Variants in REV3L observed in about 807,000 individuals in gnomAD.
REV3L encodes REV3 like, DNA directed polymerase zeta catalytic subunit, also known as DNA polymerase zeta catalytic subunit.
A neutral mutation model predicts 299.4 loss-of-function variants in REV3L; 69 were observed. The observed-to-expected ratio is 0.23, with a 90% confidence interval of 0.19 to 0.28. The LOEUF (loss-of-function observed/expected upper bound fraction) is 0.28. REV3L is among the 10% of genes least tolerant of loss of function. The pLI, the probability that REV3L is intolerant of heterozygous loss-of-function variation, is 1.00. For missense variants in REV3L, 3,128 were observed against 3,693.8 expected (o/e 0.85, Z 3.97); for synonymous variants, 1,238 against 1,271.4 (o/e 0.97, Z 0.56).
intron 25 of REV3L, among the ~76,000 whole-genome samples, chr6:111,325,018 C>A (rs1295345699): frequency 6.6e-6 from 1 of 152,066 alleles, no homozygotes; most frequent in Non-Finnish European, 1.5e-5. Flanking sequence ...CCCGCCACTA[C>A]GCCCGGCTAA....
At position 111,349,247 on chromosome 6, in the gene REV3L, G is replaced by A; in HGVS notation, c.7390C>T (p.Leu2464=). The change falls in exon 20 of 32, where the codon CTA becomes TTA. Residue 2464 remains leucine, a synonymous_variant. Coordinates refer to ENST00000368802, the MANE Select transcript of REV3L (RefSeq NM_001372078.1). ...SEINIVGRIT[L]NLWRIMRNEV... is the part of the protein sequence containing the mutation. ...TTTCTCATGATTCTCCAAAGATTTA[G>A]TGTAATTCGGCCAACAATATTTATC... is the stretch of plus-strand genomic sequence containing the variant. 6.3e-7 allele frequency: 1 copy of A among 1,589,880 alleles called. No homozygotes were observed. The highest frequency in any genetic ancestry group is 2.2e-5 in the East Asian group (1 of 44,616).
At chr6:111,437,290 T>C (rs1019627242) in intron 1 of REV3L, among the ~76,000 whole-genome samples, 2 of 152,168 alleles carry the variant, frequency 1.3e-5, no homozygotes, top group African/African-American at 4.8e-5. Flanking sequence ...TGTACATGAA[T>C]ATTCATAGCA....
chr6:111,407,976 C>T (rs969432073), intron 3 of REV3L, among the ~76,000 whole-genome samples: 1 of 151,984 alleles, frequency 6.6e-6, no homozygotes, highest in Non-Finnish European at 1.5e-5. Context: ...AAGTTGGATA[C>T]ACAAAGTATA....
chr6:111,462,150 T>C (rs1031809040), intron 1 of REV3L, among the ~76,000 whole-genome samples: 7 of 152,160 alleles, frequency 4.6e-5, no homozygotes, highest in African/African-American at 1.7e-4. Context: ...TAGCTGCCTT[T>C]GAACCTACTT....
chr6:111,363,226 T>C (rs1405026972), intron 16 of REV3L, among the ~76,000 whole-genome samples: 2 of 152,152 alleles, frequency 1.3e-5, no homozygotes, highest in Non-Finnish European at 2.9e-5. Context: ...AAACAGAAAA[T>C]ACAAGTAAAT....
chr6:111,323,762 A>G (rs865891683), intron 25 of REV3L, among the ~76,000 whole-genome samples: 21 of 152,358 alleles, frequency 1.4e-4, no homozygotes, highest in African/African-American at 5.0e-4. Flanking sequence ...TAAATGGAGC[A>G]TTCCTTTTGC....
rs58366929 is a variant in REV3L at position 111,303,701 on chromosome 6, C to CTTTTTTTT, written c.9253-3553_9253-3546dup. On this transcript the variant is annotated intron_variant, in intron 31 of 31. Coordinates refer to ENST00000368802, the MANE Select transcript of REV3L (RefSeq NM_001372078.1). Reference sequence around the variant, plus strand: ...TTTTTTTTTTTTTAACAGACTATGACTTTTTTTTTTTTTTTTTTTTTTTTT... The same window carrying CTTTTTTTT: ...TTTTTTTTTTTTTAACAGACTATGACTTTTTTTTTTTTTTTTTTTTTTTTTTTTTTTTT... 1.9e-3 allele frequency among the ~76,000 whole-genome samples: 24 copies of CTTTTTTTT among 12,640 alleles called. 3 individuals carry two copies. Among genetic ancestry groups the CTTTTTTTT allele is most frequent in the East Asian group, 0.017 (2 of 120 alleles). 8.3% of individuals were successfully genotyped at this position (12,640 alleles called of 152,430 possible). A position where few individuals can be genotyped will look rare whatever the true frequency, so the allele number is the denominator to read the frequency against.
Position 111,416,429 on chromosome 6 carries a change from G to C in REV3L, c.183C>G (p.Leu61=). ...GTCCATAACCATCGTATGGCACATA[G>C]AGGTAAGGAAAGATGCCATGTAGAT... The part of the protein sequence containing the change: ...CLHLHGIFPY[L]YVPYDGYGQQ... The change falls in exon 2 of 32, where the codon CTC becomes CTG. Residue 61 remains leucine, a synonymous_variant. Transcript: ENST00000368802. 6.2e-7 allele frequency: 1 copy of C among 1,613,760 alleles called. No individual in the cohort carries two copies. The highest frequency in any genetic ancestry group is 1.1e-5 in the South Asian group (1 of 91,038).
chr6:111,436,761 A>G (rs1787602016), intron 1 of REV3L, among the ~76,000 whole-genome samples: 1 of 152,214 alleles, frequency 6.6e-6, no homozygotes, highest in Non-Finnish European at 1.5e-5. Context: ...GTATATTTCA[A>G]AATAGCTAGA....
At chr6:111,435,037 T>C (rs1248603364) in intron 1 of REV3L, among the ~76,000 whole-genome samples, 1 of 152,092 alleles carries the variant, frequency 6.6e-6, no homozygotes, top group Admixed American at 6.6e-5. Context: ...AAACCCTGTC[T>C]CTACAAAAAA....
chr6:111,301,109 T>G (rs754630265), intron 31 of REV3L, among the ~76,000 whole-genome samples: 2 of 152,196 alleles, frequency 1.3e-5, no homozygotes, highest in African/African-American at 2.4e-5. Context: ...GTGTCTGTCT[T>G]ATGCAGTTGT....
At chr6:111,327,834 A>C (rs567531903) in intron 25 of REV3L, among the ~76,000 whole-genome samples, 1 of 152,318 alleles carries the variant, frequency 6.6e-6, no homozygotes, top group East Asian at 1.9e-4. Flanking sequence ...TTAAGTTTCC[A>C]CTATAGATGG....
At chr6:111,342,509 A>T (rs551945200) in intron 21 of REV3L, among the ~76,000 whole-genome samples, 15 of 152,150 alleles carry the variant, frequency 9.9e-5, no homozygotes, top group Non-Finnish European at 1.8e-4. Flanking sequence ...TCTACTAAAA[A>T]TACAAAAAAT....
chr6:111,343,339 A>AT, intron 21 of REV3L, among the ~76,000 whole-genome samples: 1 of 152,330 alleles, frequency 6.6e-6, no homozygotes, highest in East Asian at 1.9e-4. Flanking sequence ...ATGAAGTTCT[A>AT]TAATTGGCAA....
rs142043997 is a variant in REV3L at position 111,302,271 on chromosome 6, A to T, written c.9253-2115T>A. Among the ~76,000 whole-genome samples the T allele has an allele frequency of 2.2e-3, 339 of 152,350 alleles. 4 individuals carry two copies. In the East Asian group the frequency reaches 0.026, roughly 12 times the overall value. Reference sequence around the variant, plus strand: ...ATTAGATCTCTGCCAAGAGACTCAAATCTATTCCCAAATATAGAATTTCTG... The same window carrying T: ...ATTAGATCTCTGCCAAGAGACTCAATTCTATTCCCAAATATAGAATTTCTG... On this transcript the variant is annotated intron_variant, in intron 31 of 31. Transcript: ENST00000368802.
intron 9 of REV3L, among the ~76,000 whole-genome samples, chr6:111,381,754 G>A (rs1360704026): frequency 2.0e-5 from 3 of 151,912 alleles, no homozygotes; most frequent in South Asian, 4.2e-4. Context: ...AAGTGAAAAG[G>A]AAAGATAAAC....
intron 1 of REV3L, 98 bp downstream of exon 1, chr6:111,482,652 G>T (rs1475304193): frequency 1.1e-5 from 8 of 722,592 alleles, no homozygotes; most frequent in Admixed American, 5.6e-5. Context: ...CCACGGAGAC[G>T]GCCGGCGCCG....
intron 1 of REV3L, among the ~76,000 whole-genome samples, chr6:111,426,899 A>G (rs896324395): frequency 1.6e-4 from 25 of 152,254 alleles, no homozygotes; most frequent in African/African-American, 5.5e-4. Context: ...ACTAAACGTC[A>G]TAAAAATAAT....
chr6:111,377,918 G>C, intron 11 of REV3L, 75 bp from the exon 12 acceptor site: 1 of 1,197,890 alleles, frequency 8.3e-7, no homozygotes, highest in East Asian at 2.5e-5. Flanking sequence ...ATGCATCTAA[G>C]TTAACTCTAT....
Sources: allele counts gnomAD v4.1 joint callset (sites outside exome capture counted in the v4.1 genomes callset), GRCh38; gene constraint gnomAD v4.1.1; transcripts MANE v1.5; gene names NCBI Gene and HGNC (gene_info 2026-07-23, HGNC 2026-07-21).